The following CYP4F22 variants were observed in gnomAD, a reference collection of about 807,000 sequenced individuals.
CYP4F22 encodes the protein cytochrome P450 family 4 subfamily F member 22.
A neutral mutation model predicts 60.4 loss-of-function variants in CYP4F22; 37 were observed. The observed-to-expected ratio is 0.61, with a 90% CI of 0.47 to 0.81. The LOEUF (loss-of-function observed/expected upper bound fraction) is 0.81. Ranked by LOEUF, CYP4F22 falls within the 30% of genes least tolerant of loss-of-function variation. The pLI is 0.00. For missense variants in CYP4F22, 655 were observed against 715.0 expected, an observed-to-expected ratio of 0.92 and a Z score of 0.96; for synonymous variants, 258 against 280.5, an observed-to-expected ratio of 0.92 and a Z score of 0.80.
At chr19:15,511,059 C>T (rs1031044589) in intron 1 of CYP4F22, among the ~76,000 whole-genome samples, 11 of 148,636 alleles carry the variant, frequency 7.4e-5, no homozygotes, top group South Asian at 2.1e-4. Context: ...CCCTGCCTCC[C>T]GGGTTCAAGC....
At chr19:15,532,711 C>T (rs567626734) in intron 4 of CYP4F22, among the ~76,000 whole-genome samples, 1 of 152,138 alleles carries the variant, frequency 6.6e-6, no homozygotes, top group South Asian at 2.1e-4. Context: ...CCTCCCTTCT[C>T]CTCCCCCTCA....
At chr19:15,521,756 G>A (rs1157098749) in intron 1 of CYP4F22, among the ~76,000 whole-genome samples, 2 of 152,066 alleles carry the variant, frequency 1.3e-5, no homozygotes, top group Admixed American at 1.3e-4. Context: ...CTGCAGCCTC[G>A]AACAACTGGG....
At chr19:15,523,461 A>G (rs1274678138) in intron 1 of CYP4F22, among the ~76,000 whole-genome samples, 1 of 152,176 alleles carries the variant, frequency 6.6e-6, no homozygotes, top group Non-Finnish European at 1.5e-5. Flanking sequence ...CATTCATGAG[A>G]AACCAGCCCC....
intron 8 of CYP4F22, among the ~76,000 whole-genome samples, chr19:15,541,562 G>A (rs932620033): frequency 6.6e-6 from 1 of 152,076 alleles, no homozygotes; most frequent in Non-Finnish European, 1.5e-5. Flanking sequence ...GAACCATTCA[G>A]CTCATCACAA....
At chr19:15,542,163 C>A (rs897299789) in intron 8 of CYP4F22, among the ~76,000 whole-genome samples, 2 of 152,152 alleles carry the variant, frequency 1.3e-5, no homozygotes, top group African/African-American at 4.8e-5. Context: ...CTTCCTTCTT[C>A]TCCTCACTGT....
intron 10 of CYP4F22, among the ~76,000 whole-genome samples, chr19:15,546,940 G>C (rs1025327789): frequency 4.0e-5 from 6 of 149,468 alleles, no homozygotes; most frequent in African/African-American, 1.5e-4. Context: ...CGAACTCCTG[G>C]GCTCAAGTTA....
At chr19:15,533,121 C>T (rs1042035546) in intron 4 of CYP4F22, among the ~76,000 whole-genome samples, 2 of 152,164 alleles carry the variant, frequency 1.3e-5, no homozygotes, top group Non-Finnish European at 2.9e-5. Context: ...CTTCAGTTTC[C>T]CCATCATCTT....
chr19:15,514,781 A>G (rs1436596273), intron 1 of CYP4F22, among the ~76,000 whole-genome samples: 2 of 152,230 alleles, frequency 1.3e-5, no homozygotes, highest in Non-Finnish European at 2.9e-5. Context: ...AACTAAGAAT[A>G]CAGATCACTG....
intron 1 of CYP4F22, among the ~76,000 whole-genome samples, chr19:15,510,029 A>G (rs1384324308): frequency 6.6e-6 from 1 of 150,516 alleles, no homozygotes; most frequent in Non-Finnish European, 1.5e-5. Flanking sequence ...TCACCCAGGC[A>G]GGAGTGCAGT....
chr19:15,514,371 T>C (rs1971129668), intron 1 of CYP4F22, among the ~76,000 whole-genome samples: 1 of 152,188 alleles, frequency 6.6e-6, no homozygotes, highest in South Asian at 2.1e-4. Context: ...TTAGATACAG[T>C]TGAGAAACTC....
Position 15,551,604 on chromosome 19 carries a change from G to A in CYP4F22, c.*133G>A, listed in dbSNP as rs866675769. On this transcript the variant is annotated 3_prime_UTR_variant, in exon 14 of 14. Transcript: ENST00000269703. ...TTCAGCTCCTGGATGACCAGGCACC[G>A]CTGTTGAGCAGCCTGGTGGTACTGG... 258 of 1,139,690 alleles carry A rather than the reference G, an allele frequency of 2.3e-4. No individual in the cohort carries two copies. The highest frequency in any genetic ancestry group is 2.0e-3 in the Middle Eastern group (7 of 3,436). The allele number at this position is 1,139,690 out of a possible 1,614,324, so 70.6% of individuals were successfully genotyped here. A position where few individuals can be genotyped will look rare whatever the true frequency, so the allele number is the denominator to read the frequency against.
intron 4 of CYP4F22, among the ~76,000 whole-genome samples, chr19:15,536,785 A>G (rs1971399048): frequency 6.6e-6 from 1 of 152,210 alleles, no homozygotes. Flanking sequence ...TACAGGGGCC[A>G]GATGGAATTG....
chr19:15,519,636 C>T (rs1971197848), intron 1 of CYP4F22, among the ~76,000 whole-genome samples: 1 of 151,944 alleles, frequency 6.6e-6, no homozygotes, highest in Non-Finnish European at 1.5e-5. Context: ...GGATGCCAGG[C>T]TGAGGGGAGT....
intron 2 of CYP4F22, among the ~76,000 whole-genome samples, chr19:15,524,208 G>T (rs114357681): frequency 1.6e-3 from 239 of 152,314 alleles, no homozygotes; most frequent in African/African-American, 5.5e-3. Context: ...ACAAAAGGCT[G>T]CATAGCATTT....
intron 4 of CYP4F22, among the ~76,000 whole-genome samples, chr19:15,533,829 C>A (rs1480761560): frequency 6.6e-6 from 1 of 151,950 alleles, no homozygotes; most frequent in African/African-American, 2.4e-5. Context: ...GTCATTAGGG[C>A]TGAATTCATT....
In CYP4F22 at chr19:15,551,463, CG is replaced by C. The variant is rs756694838; in HGVS notation, c.1591del (p.Ala531ProfsTer30). On this transcript the variant is annotated frameshift_variant, in exon 14 of 14. Transcript: ENST00000269703. LOFTEE classifies it high-confidence loss of function. ...GCTCAAGGTGGAGCCGCTGCCTCCGCGGGCCTGAGCGTGGGCGCGCCCCTGC... is the reference window on the plus strand; with the variant it reads ...GCTCAAGGTGGAGCCGCTGCCTCCGCGGCCTGAGCGTGGGCGCGCCCCTGC... ...LWLKVEPLPP[R>X]A 33 of 1,558,850 alleles carry C rather than the reference CG, an allele frequency of 2.1e-5. No homozygotes were observed. Among genetic ancestry groups the C allele is most frequent in the Middle Eastern group, 1.8e-4 (1 of 5,610 alleles).
chr19:15,551,597 A>G lies in CYP4F22; in HGVS notation c.*126A>G. 1 of 1,221,708 alleles carries G rather than the reference A, an allele frequency of 8.2e-7. No homozygotes were observed. Among genetic ancestry groups the G allele is most frequent in the South Asian group, 1.5e-5 (1 of 68,338 alleles). The allele number at this position is 1,221,708 out of a possible 1,614,324, so 75.7% of individuals were successfully genotyped here. On this transcript the variant is annotated 3_prime_UTR_variant, in exon 14 of 14. Transcript: ENST00000269703. ...GTTCAGGTTCAGCTCCTGGATGACCAGGCACCGCTGTTGAGCAGCCTGGTG... is the reference window on the plus strand; with the variant it reads ...GTTCAGGTTCAGCTCCTGGATGACCGGGCACCGCTGTTGAGCAGCCTGGTG...
At chr19:15,519,905 A>G (rs1971201316) in intron 1 of CYP4F22, among the ~76,000 whole-genome samples, 1 of 152,206 alleles carries the variant, frequency 6.6e-6, no homozygotes, top group Non-Finnish European at 1.5e-5. Context: ...TCATCTTTTT[A>G]TAGTCACCCC....
chr19:15,508,955 G>A (rs1486754936), intron 1 of CYP4F22, among the ~76,000 whole-genome samples: 1 of 151,884 alleles, frequency 6.6e-6, no homozygotes, highest in Non-Finnish European at 1.5e-5. Flanking sequence ...TTCAAGCCCC[G>A]CCCTGGGACG....
Sources: gnomAD v4.1 joint callset for allele counts (sites outside exome capture counted in the v4.1 genomes callset) on GRCh38, gnomAD v4.1.1 for gene constraint, MANE v1.5 for transcripts, NCBI Gene and HGNC (gene_info 2026-07-23, HGNC 2026-07-21) for gene names.